EYS: variants seen among roughly 807,000 people sequenced by gnomAD.
EYS encodes the protein EGF-like photoreceptor maintenance factor, also known as protein eyes shut homolog.
A neutral mutation model predicts 282.1 loss-of-function variants in EYS; 250 were observed. The ratio of observed to expected loss-of-function variants is 0.89; its 90% CI spans 0.80 to 0.98. EYS has a LOEUF of 0.98. Ranked by LOEUF, EYS falls within the 50% of genes least tolerant of loss-of-function variation. EYS has a pLI of 0.00. For missense variants in EYS, 4,016 were observed against 3,709.0 expected, an observed-to-expected ratio of 1.08 and a Z score of -2.15; for synonymous variants, 1,355 against 1,282.9, an observed-to-expected ratio of 1.06 and a Z score of -1.20.
At chr6:64,823,945 T>A (rs980529912) in intron 19 of EYS, among the ~76,000 whole-genome samples, 14 of 151,926 alleles carry the variant, frequency 9.2e-5, no homozygotes, top group Non-Finnish European at 5.9e-5. Flanking sequence ...AATAAGCTTA[T>A]TACAGTGAAG....
intron 14 of EYS, among the ~76,000 whole-genome samples, chr6:64,974,236 A>C (rs1770398163): frequency 1.3e-5 from 2 of 151,950 alleles, no homozygotes. Context: ...AAGTTAACCA[A>C]AATAAAGAAA....
intron 19 of EYS, among the ~76,000 whole-genome samples, chr6:64,855,151 C>A (rs2150044482): frequency 6.6e-6 from 1 of 151,924 alleles, no homozygotes; most frequent in African/African-American, 2.4e-5. Context: ...CCCCCATCCC[C>A]CACCGCGTTT....
At chr6:64,330,894 C>T (rs596767) in intron 29 of EYS, among the ~76,000 whole-genome samples, 104,349 of 152,066 alleles carry the variant, frequency 0.69, 35,845 homozygotes, top group South Asian at 0.71. Flanking sequence ...GCATGGAAAG[C>T]CCCCATTGTG....
chr6:65,279,399 A>C (rs13197839), intron 12 of EYS, among the ~76,000 whole-genome samples: 29,797 of 151,990 alleles, frequency 0.2, 3,512 homozygotes, highest in Middle Eastern at 0.27. Context: ...TCACCATATC[A>C]TCTTCTCCTA....
intron 12 of EYS, among the ~76,000 whole-genome samples, chr6:65,143,980 A>T (rs1490946786): frequency 1.3e-5 from 2 of 152,072 alleles, no homozygotes; most frequent in African/African-American, 4.8e-5. Flanking sequence ...GGTTAAATGA[A>T]GTTCACAAAT....
At chr6:64,450,361 G>C (rs1775282036) in intron 26 of EYS, among the ~76,000 whole-genome samples, 2 of 152,112 alleles carry the variant, frequency 1.3e-5, no homozygotes, top group African/African-American at 4.8e-5. Context: ...CGTAAAGCAA[G>C]TCCTTAGTTA....
At position 65,346,462 on chromosome 6, in the gene EYS, T is replaced by C. The variant is rs529363052; in HGVS notation, c.1460-2285A>G. 1.5e-4 allele frequency among the ~76,000 whole-genome samples: 22 copies of C among 147,598 alleles called. No individual in the cohort carries two copies. The South Asian group carries it at 3.6e-3, about 24-fold the overall frequency. On this transcript the variant is annotated intron_variant, in intron 9 of 42. Coordinates refer to ENST00000503581, the MANE Select transcript of EYS (RefSeq NM_001142800.2). Reference sequence around the variant, plus strand: ...GTGTATAATTTAAAGGATGGAAAACTGCCCTAGATTATTACAAATATAGTA... The same window carrying C: ...GTGTATAATTTAAAGGATGGAAAACCGCCCTAGATTATTACAAATATAGTA...
intron 5 of EYS, among the ~76,000 whole-genome samples, chr6:65,430,595 C>T (rs1381302134): frequency 6.6e-6 from 1 of 152,120 alleles, no homozygotes; most frequent in African/African-American, 2.4e-5. Flanking sequence ...TGGCATTACC[C>T]CTCCCCTAGA....
At chr6:64,467,728 A>G (rs1294172354) in intron 26 of EYS, among the ~76,000 whole-genome samples, 2 of 152,076 alleles carry the variant, frequency 1.3e-5, no homozygotes, top group Admixed American at 1.3e-4. Flanking sequence ...TGCTCTGCAC[A>G]CTGCTACCAG....
chr6:64,453,817 T>C (rs1348379762), intron 26 of EYS, among the ~76,000 whole-genome samples: 1 of 151,734 alleles, frequency 6.6e-6, no homozygotes, highest in Admixed American at 6.6e-5. Flanking sequence ...TGAGAACACA[T>C]GGACACAGGA....
chr6:64,088,896 G>A (rs1772254680), intron 31 of EYS, among the ~76,000 whole-genome samples: 1 of 151,912 alleles, frequency 6.6e-6, no homozygotes, highest in Admixed American at 6.6e-5. Flanking sequence ...CTCAGAGTCT[G>A]ACACACTAAT....
chr6:64,315,337 A>G (rs1027615682), intron 29 of EYS, among the ~76,000 whole-genome samples: 2 of 152,232 alleles, frequency 1.3e-5, no homozygotes, highest in African/African-American at 2.4e-5. Context: ...TACCAGAGGT[A>G]CAAAGAGGAG....
At chr6:65,468,440 G>A (rs1394014598) in intron 5 of EYS, among the ~76,000 whole-genome samples, 2 of 152,040 alleles carry the variant, frequency 1.3e-5, no homozygotes, top group East Asian at 3.9e-4. Flanking sequence ...TACGGCCTGG[G>A]TGCTTCAGGA....
intron 12 of EYS, among the ~76,000 whole-genome samples, chr6:65,238,287 A>T (rs1011403472): frequency 6.6e-6 from 1 of 150,600 alleles, no homozygotes; most frequent in African/African-American, 2.4e-5. Context: ...AATATTCAAG[A>T]TAGGCACACC....
At chr6:64,896,914 T>G (rs1017782050) in intron 18 of EYS, among the ~76,000 whole-genome samples, 1 of 152,062 alleles carries the variant, frequency 6.6e-6, no homozygotes, top group Non-Finnish European at 1.5e-5. Flanking sequence ...AGATACCTCC[T>G]CTCTGGGCAG....
At chr6:64,403,204 G>A (rs138886209) in intron 28 of EYS, among the ~76,000 whole-genome samples, 177 of 151,858 alleles carry the variant, frequency 1.2e-3, no homozygotes, top group African/African-American at 4.1e-3. Context: ...AACACCAAGA[G>A]AACTAGGTTA....
intron 2 of EYS, among the ~76,000 whole-genome samples, chr6:65,497,706 A>G (rs985435986): frequency 3.9e-5 from 6 of 152,096 alleles, no homozygotes; most frequent in South Asian, 4.1e-4. Flanking sequence ...AACTTTGTCC[A>G]TAGGTTCTTG....
intron 30 of EYS, among the ~76,000 whole-genome samples, chr6:64,286,871 A>C (rs1210347025): frequency 6.6e-6 from 1 of 152,056 alleles, no homozygotes; most frequent in East Asian, 1.9e-4. Flanking sequence ...TTAGTGAATG[A>C]AGTCTTCTTT....
At chr6:64,186,745 G>C (rs982520328) in intron 31 of EYS, among the ~76,000 whole-genome samples, 1 of 152,124 alleles carries the variant, frequency 6.6e-6, no homozygotes, top group Admixed American at 6.6e-5. Context: ...GGTTCTCTCA[G>C]AGGAACGAAA....
Sources: allele counts gnomAD v4.1 joint callset (sites outside exome capture counted in the v4.1 genomes callset), GRCh38; gene constraint gnomAD v4.1.1; transcripts MANE v1.5; gene names NCBI Gene and HGNC (gene_info 2026-07-23, HGNC 2026-07-21).